SLC22A9: variants seen among roughly 807,000 people sequenced by gnomAD.
The protein encoded by SLC22A9 is organic anion transporter 7.
Under a neutral mutation model 50.1 loss-of-function variants are expected in SLC22A9, and 64 were observed. The ratio of observed to expected loss-of-function variants is 1.28; its 90% CI spans 1.04 to 1.57. The LOEUF (loss-of-function observed/expected upper bound fraction) is 1.57. SLC22A9 is among the 40% of genes most tolerant of loss of function. The probability of loss-of-function intolerance (pLI) is 0.00; values close to 1 mark genes in which losing one functional copy is unlikely to be tolerated. For missense variants in SLC22A9, 757 were observed against 676.1 expected, an observed-to-expected ratio of 1.12 and a Z score of -1.33; for synonymous variants, 261 against 242.5, an observed-to-expected ratio of 1.08 and a Z score of -0.71.
At chr11:63,386,373 T>C (rs2014666271) in intron 6 of SLC22A9, among the ~76,000 whole-genome samples, 1 of 147,172 alleles carries the variant, frequency 6.8e-6, no homozygotes, top group African/African-American at 2.6e-5. Context: ...TCAGAAGAAA[T>C]GGTACCAGCT....
intron 6 of SLC22A9, among the ~76,000 whole-genome samples, chr11:63,405,833 C>G (rs2015027249): frequency 2.0e-5 from 3 of 152,128 alleles, no homozygotes; most frequent in Admixed American, 6.6e-5. Flanking sequence ...CTAATAAAAG[C>G]AATTACTTAT....
At position 63,408,127 on chromosome 11, in the gene SLC22A9, G is replaced by T. The variant is rs144303933; in HGVS notation, c.1304G>T (p.Arg435Leu). ...CTTTCTCCAGAAATGCAGACGCTGC[G>T]TGAGGTTTTGGCAACACTGGGCTTA... ...IFVPQEMQTL[R>L]EVLATLGLGA... The change falls in exon 8 of 10, where the codon CGT becomes CTT. Residue 435 changes from arginine (R) to leucine (L), a missense_variant. Physicochemically the swap from Arg to Leu is moderately radical, Grantham distance 102. Transcript: ENST00000279178. 3.1e-6 allele frequency: 5 copies of T among 1,613,376 alleles called. No individual in the cohort carries two copies. Among genetic ancestry groups the T allele is most frequent in the South Asian group, 2.2e-5 (2 of 91,058 alleles).
chr11:63,375,566 G>T, intron 4 of SLC22A9, 79 bp from the exon 5 acceptor site: 1 of 1,551,178 alleles, frequency 6.4e-7, no homozygotes. Flanking sequence ...CTTGGAGGGA[G>T]AAGACATCTT....
intron 2 of SLC22A9, among the ~76,000 whole-genome samples, chr11:63,372,926 T>C (rs113513891): frequency 0.034 from 5,160 of 152,170 alleles, 123 homozygotes; most frequent in Non-Finnish European, 0.056. Context: ...CAAGGTGGAA[T>C]AGTTCAAATC....
chr11:63,405,515 A>G (rs1465826092), intron 6 of SLC22A9, among the ~76,000 whole-genome samples: 1 of 152,208 alleles, frequency 6.6e-6, no homozygotes, highest in Non-Finnish European at 1.5e-5. Context: ...AAACAAAACC[A>G]TCACGAGGTT....
intron 9 of SLC22A9, among the ~76,000 whole-genome samples, chr11:63,409,581 A>T (rs1037146698): frequency 6.6e-6 from 1 of 152,168 alleles, no homozygotes; most frequent in African/African-American, 2.4e-5. Context: ...GCGTCCAAGG[A>T]TGACAAGTAG....
chr11:63,399,686 A>C (rs546048041), intron 6 of SLC22A9, among the ~76,000 whole-genome samples: 2 of 152,302 alleles, frequency 1.3e-5, no homozygotes, highest in Admixed American at 1.3e-4. Context: ...TTTTCATGAT[A>C]GATGAAATAG....
At chr11:63,375,833 G>A in intron 5 of SLC22A9, 65 bp downstream of exon 5, 4 of 1,577,626 alleles carry the variant, frequency 2.5e-6, no homozygotes, top group East Asian at 2.3e-5. Context: ...ATACTTAGCA[G>A]TAGCAGTGTC....
intron 6 of SLC22A9, among the ~76,000 whole-genome samples, chr11:63,395,383 T>TA (rs2014835424): frequency 6.6e-6 from 1 of 152,134 alleles, no homozygotes; most frequent in African/African-American, 2.4e-5. Context: ...GGCTAAAGGC[T>TA]GTTGTTCAGG....
intron 6 of SLC22A9, among the ~76,000 whole-genome samples, chr11:63,404,477 G>A (rs1292692699): frequency 6.6e-6 from 1 of 152,076 alleles, no homozygotes; most frequent in Non-Finnish European, 1.5e-5. Flanking sequence ...GAGATTTTGG[G>A]CTGAGACGAT....
chr11:63,387,131 A>AT (rs1483266617), intron 6 of SLC22A9, among the ~76,000 whole-genome samples: 3 of 151,820 alleles, frequency 2.0e-5, no homozygotes, highest in Non-Finnish European at 2.9e-5. Context: ...TTGCAGAAGG[A>AT]TTTTTTTAAC....
intron 6 of SLC22A9, among the ~76,000 whole-genome samples, chr11:63,401,487 A>G (rs2014951201): frequency 6.6e-6 from 1 of 152,120 alleles, no homozygotes; most frequent in Admixed American, 6.5e-5. Context: ...GCTGATACAA[A>G]AAATAGAAAG....
intron 6 of SLC22A9, among the ~76,000 whole-genome samples, chr11:63,404,612 A>G (rs114426306): frequency 6.6e-6 from 1 of 152,160 alleles, no homozygotes; most frequent in Non-Finnish European, 1.5e-5. Context: ...ACCCTGCCCT[A>G]AAAAGAAAAT....
At chr11:63,375,852 A>T in intron 5 of SLC22A9, 84 bp downstream of exon 5, 1 of 1,503,068 alleles carries the variant, frequency 6.7e-7, no homozygotes, top group South Asian at 1.3e-5. Flanking sequence ...TCCATAAGGT[A>T]AAAAAAGGAA....
At chr11:63,401,765 C>T (rs1392942812) in intron 6 of SLC22A9, among the ~76,000 whole-genome samples, 1 of 152,064 alleles carries the variant, frequency 6.6e-6, no homozygotes, top group South Asian at 2.1e-4. Context: ...ACCTCACCAG[C>T]ATGTTGATTT....
At chr11:63,395,100 T>C (rs1475339895) in intron 6 of SLC22A9, among the ~76,000 whole-genome samples, 1 of 152,056 alleles carries the variant, frequency 6.6e-6, no homozygotes, top group Non-Finnish European at 1.5e-5. Context: ...TCTTTTGCTT[T>C]TTCTTTATGC....
intron 9 of SLC22A9, 121 bp downstream of exon 9, chr11:63,409,000 T>G (rs956093428): frequency 2.8e-6 from 3 of 1,058,484 alleles, no homozygotes; most frequent in Non-Finnish European, 4.3e-6. Context: ...GATTTTCCCA[T>G]GTAATCAGTG....
chr11:63,403,336 G>A (rs962483879), intron 6 of SLC22A9, among the ~76,000 whole-genome samples: 1 of 151,950 alleles, frequency 6.6e-6, no homozygotes, highest in Non-Finnish European at 1.5e-5. Flanking sequence ...TCAGAGAGAT[G>A]AAAAAATAAA....
chr11:63,379,844 G>T (rs1308999308), intron 5 of SLC22A9, among the ~76,000 whole-genome samples: 2 of 152,134 alleles, frequency 1.3e-5, no homozygotes, highest in Non-Finnish European at 2.9e-5. Context: ...CGATTCTCCT[G>T]CCTCAGCCTT....
Sources: allele counts gnomAD v4.1 joint callset (sites outside exome capture counted in the v4.1 genomes callset), GRCh38; gene constraint gnomAD v4.1.1; transcripts MANE v1.5; gene names NCBI Gene and HGNC (gene_info 2026-07-23, HGNC 2026-07-21).